The following CLRN1 variants were observed in gnomAD, a reference collection of about 807,000 sequenced individuals.
CLRN1 encodes the protein clarin-1.
CLRN1 carries 15 observed loss-of-function variants against 18.7 expected under a neutral mutation model. That is an observed-to-expected ratio of 0.80 (90% confidence interval 0.54 to 1.23). The LOEUF (loss-of-function observed/expected upper bound fraction) is 1.23, where lower values mean the gene tolerates loss of function less well. Among genes scored for constraint, CLRN1 ranks in the 50% most tolerant of loss-of-function variants. CLRN1 has a pLI of 0.00. For missense variants in CLRN1, 311 were observed against 277.5 expected, an observed-to-expected ratio of 1.12 and a Z score of -0.86; for synonymous variants, 104 against 102.9, an observed-to-expected ratio of 1.01 and a Z score of -0.07.
At chr3:150,970,571 A>G (rs1044519398) in intron 1 of CLRN1, among the ~76,000 whole-genome samples, 3 of 152,146 alleles carry the variant, frequency 2.0e-5, no homozygotes, top group African/African-American at 7.2e-5. Context: ...ACCAAAATGA[A>G]TGAGATTTTT....
At chr3:150,930,434 A>C (rs7646069) in intron 2 of CLRN1, among the ~76,000 whole-genome samples, 100,749 of 151,962 alleles carry the variant, frequency 0.66, 33,621 homozygotes, top group Non-Finnish European at 0.7. Context: ...AGGACTGGCC[A>C]ATCAGCTTAA....
At chr3:150,939,603 C>T (rs369571902) in intron 2 of CLRN1, among the ~76,000 whole-genome samples, 1 of 152,212 alleles carries the variant, frequency 6.6e-6, no homozygotes, top group African/African-American at 2.4e-5. Context: ...GTTTCTGATT[C>T]AGTGGGTCTG....
chr3:150,965,153 G>A (rs1353153673), intron 1 of CLRN1, among the ~76,000 whole-genome samples: 1 of 152,160 alleles, frequency 6.6e-6, no homozygotes, highest in Non-Finnish European at 1.5e-5. Flanking sequence ...AAATGTAGCA[G>A]AGGAAGAGCA....
At chr3:150,939,386 A>G (rs563449878) in intron 2 of CLRN1, among the ~76,000 whole-genome samples, 3 of 152,252 alleles carry the variant, frequency 2.0e-5, no homozygotes, top group East Asian at 3.9e-4. Context: ...GGCAATGCCA[A>G]ACTCTTTTGT....
intron 1 of CLRN1, among the ~76,000 whole-genome samples, chr3:150,958,758 G>T (rs1307893678): frequency 6.6e-6 from 1 of 152,100 alleles, no homozygotes; most frequent in Non-Finnish European, 1.5e-5. Context: ...TGATAATAAT[G>T]AGTGCTACTC....
intron 2 of CLRN1, among the ~76,000 whole-genome samples, chr3:150,934,763 C>T (rs951193065): frequency 2.6e-5 from 4 of 152,140 alleles, no homozygotes; most frequent in Non-Finnish European, 5.9e-5. Flanking sequence ...CTATACTCAG[C>T]TCCCTCTTTT....
intron 2 of CLRN1, among the ~76,000 whole-genome samples, chr3:150,935,933 T>A (rs1713457871): frequency 6.6e-6 from 1 of 151,136 alleles, no homozygotes; most frequent in Non-Finnish European, 1.5e-5. Context: ...TTTGGCTGCA[T>A]AAATGTCTTC....
intron 1 of CLRN1, among the ~76,000 whole-genome samples, chr3:150,948,483 CAAAAAAAA>C (rs55846714): frequency 3.3e-4 from 18 of 54,392 alleles, no homozygotes; most frequent in African/African-American, 6.7e-4. Context: ...GACTCCGTCT[CAAAAAAAA>C]AAAAAAAAAA....
At chr3:150,966,819 G>A (rs1405578118) in intron 1 of CLRN1, among the ~76,000 whole-genome samples, 1 of 152,182 alleles carries the variant, frequency 6.6e-6, no homozygotes. Flanking sequence ...TCTAATGATG[G>A]TGGCCAAAAA....
Position 150,954,778 on chromosome 3 carries a change from T to C in CLRN1, c.254-13017A>G, listed in dbSNP as rs951389183. On this transcript the variant is annotated intron_variant, in intron 1 of 2. Transcript: ENST00000327047. ...ACCTGTGATCTCTTTCAGGTTATTT[T>C]TTGTGTATGGTACAAGTTTGAGTCA... Among the ~76,000 whole-genome samples the C allele has an allele frequency of 5.3e-5, 8 of 152,260 alleles. No homozygotes were observed. The East Asian group carries it at 1.5e-3, about 29-fold the overall frequency.
chr3:150,970,509 A>G (rs1715479253), intron 1 of CLRN1, among the ~76,000 whole-genome samples: 1 of 119,394 alleles, frequency 8.4e-6, no homozygotes, highest in South Asian at 3.0e-4. Flanking sequence ...AGATACTTTT[A>G]TGCTTAGGAA....
intron 2 of CLRN1, 26 bp from the exon 3 acceptor site, chr3:150,928,227 G>A (rs1488808306): frequency 6.2e-7 from 1 of 1,613,146 alleles, no homozygotes; most frequent in Non-Finnish European, 8.5e-7. Flanking sequence ...CAAGGTGTTG[G>A]GACAAATATT....
In CLRN1 at chr3:150,970,782, C is replaced by T. The variant is rs1715494351; in HGVS notation, c.253+1674G>A. 2.6e-5 allele frequency among the ~76,000 whole-genome samples: 4 copies of T among 152,094 alleles called. No individual in the cohort carries two copies. The South Asian group carries it at 8.3e-4, about 32-fold the overall frequency. ...ACCCCACCAGTTCTGCAAGTCCTCA[C>T]AGAAAGCAAAAGGAGGGGCACCCAA... On this transcript the variant is annotated intron_variant, in intron 1 of 2. Coordinates refer to ENST00000327047, the MANE Select transcript of CLRN1 (RefSeq NM_174878.3).
intron 1 of CLRN1, among the ~76,000 whole-genome samples, chr3:150,948,045 A>G (rs578076846): frequency 6.6e-6 from 1 of 152,312 alleles, no homozygotes; most frequent in Admixed American, 6.5e-5. Flanking sequence ...AATAACCAAA[A>G]TCAGAGCTGA....
intron 1 of CLRN1, among the ~76,000 whole-genome samples, chr3:150,946,178 GA>G (rs1398493240): frequency 6.6e-6 from 1 of 152,044 alleles, no homozygotes; most frequent in South Asian, 2.1e-4. Flanking sequence ...TGCTATTTGG[GA>G]AAAAAGCCAA....
chr3:150,970,283 G>A (rs960614932), intron 1 of CLRN1, among the ~76,000 whole-genome samples: 11 of 152,178 alleles, frequency 7.2e-5, no homozygotes, highest in African/African-American at 2.7e-4. Context: ...ATCATTGACA[G>A]GGTAATGACA....
intron 2 of CLRN1, among the ~76,000 whole-genome samples, chr3:150,934,694 A>G (rs1713356220): frequency 6.6e-6 from 1 of 152,294 alleles, no homozygotes; most frequent in East Asian, 1.9e-4. Flanking sequence ...AATGGAATAT[A>G]TAAAAGGCCC....
At chr3:150,929,280 C>T (rs180894461) in intron 2 of CLRN1, among the ~76,000 whole-genome samples, 4 of 152,206 alleles carry the variant, frequency 2.6e-5, no homozygotes, top group Admixed American at 2.6e-4. Context: ...TGAGTGTCTC[C>T]CCCGAAGATG....
chr3:150,958,684 T>A (rs1195219143), intron 1 of CLRN1, among the ~76,000 whole-genome samples: 1 of 152,278 alleles, frequency 6.6e-6, no homozygotes, highest in Non-Finnish European at 1.5e-5. Context: ...CTGATTTTCC[T>A]ATGCCTATTC....
Sources: gnomAD v4.1 joint callset for allele counts (sites outside exome capture counted in the v4.1 genomes callset) on GRCh38, gnomAD v4.1.1 for gene constraint, MANE v1.5 for transcripts, NCBI Gene and HGNC (gene_info 2026-07-23, HGNC 2026-07-21) for gene names.